The following CDH8 variants were observed in gnomAD, a reference collection of about 807,000 sequenced individuals.
CDH8 encodes the protein cadherin 8.
Under a neutral mutation model 68.1 loss-of-function variants are expected in CDH8, and 17 were observed. That is an observed-to-expected ratio of 0.25 (90% CI 0.17 to 0.37). CDH8 has a LOEUF of 0.37. Among genes scored for constraint, CDH8 ranks in the 10% least tolerant of loss-of-function variants. The pLI is 1.00. For missense variants in CDH8, 763 were observed against 999.3 expected (o/e 0.76, Z 3.19); for synonymous variants, 372 against 365.1 (o/e 1.02, Z -0.21).
intron 8 of CDH8, among the ~76,000 whole-genome samples, chr16:61,751,901 G>C (rs533325612): frequency 2.6e-5 from 4 of 152,128 alleles, no homozygotes; most frequent in African/African-American, 9.6e-5. Flanking sequence ...AAATAATATT[G>C]TTAATAATTT....
At position 61,943,315 on chromosome 16, in the gene CDH8, A is replaced by G. The variant is rs1031041286; in HGVS notation, c.253-41842T>C. Among the ~76,000 whole-genome samples, 999 of 152,320 alleles carry G rather than the reference A, an allele frequency of 6.6e-3. 7 individuals carry two copies. The highest frequency in any genetic ancestry group is 0.023 in the African/African-American group (962 of 41,584). ...CCTAGAAGAGTGGCTCACTAACATT[A>G]CGTGTTGCGTGGTAGATTGCTGAAT... On this transcript the variant is annotated intron_variant, in intron 2 of 11. Coordinates refer to ENST00000577390, the MANE Select transcript of CDH8 (RefSeq NM_001796.5).
Position 61,957,789 on chromosome 16 carries a change from G to T in CDH8, c.253-56316C>A, listed in dbSNP as rs1409652049. On this transcript the variant is annotated intron_variant, in intron 2 of 11. Coordinates refer to ENST00000577390, the MANE Select transcript of CDH8 (RefSeq NM_001796.5). The stretch of plus-strand genomic sequence containing the variant: ...TTTCTCACTCTTCAATTTACAGCTT[G>T]AATGTAATCCCGCCTCTGCTGACCA... Among the ~76,000 whole-genome samples the T allele has an allele frequency of 2.0e-5, 3 of 151,982 alleles. No homozygotes were observed. In the East Asian group the frequency reaches 5.8e-4, roughly 29 times the overall value.
At chr16:61,901,151 A>G (rs773314759) in intron 3 of CDH8, 28 bp downstream of exon 3, 2 of 1,589,348 alleles carry the variant, frequency 1.3e-6, no homozygotes. Flanking sequence ...GACTTTTAAT[A>G]GATCTGTGAA....
intron 1 of CDH8, among the ~76,000 whole-genome samples, chr16:62,024,917 A>G (rs1902161609): frequency 6.6e-6 from 1 of 152,218 alleles, no homozygotes; most frequent in Non-Finnish European, 1.5e-5. Context: ...ACTGTATGTC[A>G]GGTACTGGGG....
At chr16:61,687,695 G>A (rs953094381) in intron 10 of CDH8, among the ~76,000 whole-genome samples, 13 of 151,978 alleles carry the variant, frequency 8.6e-5, no homozygotes, top group African/African-American at 1.2e-4. Flanking sequence ...CAGACTTTTC[G>A]GGTTTAAATC....
At chr16:61,957,778 A>G (rs148668411) in intron 2 of CDH8, among the ~76,000 whole-genome samples, 25 of 152,102 alleles carry the variant, frequency 1.6e-4, no homozygotes, top group Non-Finnish European at 3.4e-4. Context: ...TCACTCTTCA[A>G]TTTACAGCTT....
At chr16:61,947,407 G>T (rs1289890548) in intron 2 of CDH8, among the ~76,000 whole-genome samples, 1 of 152,078 alleles carries the variant, frequency 6.6e-6, no homozygotes, top group East Asian at 1.9e-4. Flanking sequence ...CAGTCACATG[G>T]ATTCATCAAA....
chr16:61,775,238 GA>G (rs1228518290), intron 8 of CDH8, among the ~76,000 whole-genome samples: 2 of 151,760 alleles, frequency 1.3e-5, no homozygotes, highest in Non-Finnish European at 2.9e-5. Context: ...TTAAAATGAA[GA>G]AAAAATAAGT....
chr16:61,713,494 A>G (rs1261795494), intron 10 of CDH8, among the ~76,000 whole-genome samples: 1 of 151,646 alleles, frequency 6.6e-6, no homozygotes, highest in Non-Finnish European at 1.5e-5. Flanking sequence ...AAACTTAACA[A>G]CTACAAAGTG....
At chr16:61,912,421 G>A (rs1227116682) in intron 2 of CDH8, among the ~76,000 whole-genome samples, 1 of 152,000 alleles carries the variant, frequency 6.6e-6, no homozygotes, top group Non-Finnish European at 1.5e-5. Flanking sequence ...AAAAATCCCT[G>A]CTTCAAAGAA....
chr16:61,744,522 A>G (rs541741811), intron 8 of CDH8, among the ~76,000 whole-genome samples: 1 of 151,928 alleles, frequency 6.6e-6, no homozygotes, highest in Non-Finnish European at 1.5e-5. Context: ...TCCTTTTTAA[A>G]TCTAATCTGA....
chr16:61,800,278 C>A (rs1264337454), intron 7 of CDH8, among the ~76,000 whole-genome samples: 3 of 152,192 alleles, frequency 2.0e-5, no homozygotes, highest in African/African-American at 7.2e-5. Flanking sequence ...AATGCTCATT[C>A]CTAAACGCAA....
chr16:62,029,461 A>G (rs1398026629), intron 1 of CDH8, among the ~76,000 whole-genome samples: 1 of 152,198 alleles, frequency 6.6e-6, no homozygotes, highest in Non-Finnish European at 1.5e-5. Flanking sequence ...CTCCACAACT[A>G]ACATACAATT....
chr16:61,820,314 G>GTTTTTTTTTTTTTTT (rs545670875), intron 6 of CDH8, among the ~76,000 whole-genome samples: 1 of 90,762 alleles, frequency 1.1e-5, no homozygotes, highest in Non-Finnish European at 2.1e-5. Flanking sequence ...TGCCTGTTTG[G>GTTTTTTTTTTTTTTT]TTTTTTTTTT....
intron 8 of CDH8, among the ~76,000 whole-genome samples, chr16:61,734,719 T>C (rs1213185952): frequency 6.6e-6 from 1 of 152,194 alleles, no homozygotes. Context: ...GTAGTAAATA[T>C]TCTATCTATC....
intron 2 of CDH8, among the ~76,000 whole-genome samples, chr16:61,931,672 A>T (rs540184198): frequency 6.6e-6 from 1 of 152,246 alleles, no homozygotes; most frequent in South Asian, 2.1e-4. Flanking sequence ...ATTGTGAGGG[A>T]TTTCTCCCAT....
intron 2 of CDH8, among the ~76,000 whole-genome samples, chr16:61,981,480 A>T (rs1028025097): frequency 1.6e-4 from 24 of 152,316 alleles, no homozygotes; most frequent in African/African-American, 5.8e-4. Context: ...ACCATCAATT[A>T]AATGATACAG....
At chr16:61,997,978 C>G (rs1597116746) in intron 2 of CDH8, among the ~76,000 whole-genome samples, 1 of 152,038 alleles carries the variant, frequency 6.6e-6, no homozygotes, top group Admixed American at 6.5e-5. Context: ...TATCTATAAA[C>G]AGCAATTTTA....
At chr16:61,824,404 T>C (rs190353836) in intron 5 of CDH8, among the ~76,000 whole-genome samples, 70 of 151,974 alleles carry the variant, frequency 4.6e-4, no homozygotes, top group African/African-American at 1.6e-3. Flanking sequence ...GTCATATTAC[T>C]TGAATAAATG....
Sources: gnomAD v4.1 joint callset for allele counts (sites outside exome capture counted in the v4.1 genomes callset) on GRCh38, gnomAD v4.1.1 for gene constraint, MANE v1.5 for transcripts, NCBI Gene and HGNC (gene_info 2026-07-23, HGNC 2026-07-21) for gene names.